Variants in ALDH1L2 observed in about 807,000 individuals in gnomAD.
The protein encoded by ALDH1L2 is mitochondrial 10-formyltetrahydrofolate dehydrogenase.
A neutral mutation model predicts 111.0 loss-of-function variants in ALDH1L2; 91 were observed. That is an observed-to-expected ratio of 0.82 (90% CI 0.69 to 0.98). The LOEUF (loss-of-function observed/expected upper bound fraction) is 0.98, where lower values mean the gene tolerates loss of function less well. Ranked by LOEUF, ALDH1L2 falls within the 50% of genes least tolerant of loss-of-function variation. The pLI is 0.00. For missense variants in ALDH1L2, 995 were observed against 1,126.8 expected (o/e 0.88, Z 1.67); for synonymous variants, 374 against 392.6 (o/e 0.95, Z 0.56).
intron 19 of ALDH1L2, among the ~76,000 whole-genome samples, chr12:105,033,097 T>G (rs576692227): frequency 2.6e-5 from 4 of 152,320 alleles, no homozygotes; most frequent in African/African-American, 9.6e-5. Flanking sequence ...AATTTAGGCC[T>G]GGCCGTAATC....
intron 9 of ALDH1L2, among the ~76,000 whole-genome samples, chr12:105,058,789 G>A (rs1876792407): frequency 6.6e-6 from 1 of 152,128 alleles, no homozygotes; most frequent in Non-Finnish European, 1.5e-5. Flanking sequence ...TTCTTGAATA[G>A]CAGTGGTGTA....
At chr12:105,055,946 A>G (rs190969011) in intron 10 of ALDH1L2, among the ~76,000 whole-genome samples, 2 of 152,162 alleles carry the variant, frequency 1.3e-5, no homozygotes, top group Non-Finnish European at 2.9e-5. Context: ...CATAAAAGGA[A>G]TCCCAGAAGG....
chr12:105,046,149 T>TTCTCTCTCTCTCTC (rs541003101), intron 15 of ALDH1L2, among the ~76,000 whole-genome samples: 14 of 35,988 alleles, frequency 3.9e-4, no homozygotes, highest in African/African-American at 1.5e-3. Flanking sequence ...CTTCTACATC[T>TTCTCTCTCTCTCTC]TCTCTCTCTC....
chr12:105,046,926 A>G lies in ALDH1L2; in HGVS notation c.1730T>C (p.Leu577Pro), dbSNP rs527330253. ...GAGTGGCTCTTTCTTGGTGAAGGTC[A>G]GATTGCGATTTGGACGGGCCTGGTT... ...PINQARPNRN[L>P]TFTKKEPLGV... Residue 577 changes from leucine to proline, a missense_variant, in exon 14 of 23, where the codon CTG (leucine) becomes CCG (proline). Leu to Pro is a moderately conservative substitution (Grantham distance 98). Transcript: ENST00000258494. The G allele has an allele frequency of 1.9e-6, 3 of 1,614,196 alleles. No individual in the cohort carries two copies. In the East Asian group the frequency reaches 6.7e-5, roughly 36 times the overall value.
At position 105,071,544 on chromosome 12, in the gene ALDH1L2, A is replaced by AT. The variant is rs957817497; in HGVS notation, c.194-741dup. Among the ~76,000 whole-genome samples, 3 of 133,206 alleles carry AT rather than the reference A, an allele frequency of 2.3e-5. No homozygotes were observed. In the Admixed American group the frequency reaches 2.4e-4, roughly 11 times the overall value. The allele number at this position is 133,206 out of a possible 152,430, so 87.4% of individuals were successfully genotyped here. A position where few individuals can be genotyped will look rare whatever the true frequency, so the allele number is the denominator to read the frequency against. On this transcript the variant is annotated intron_variant, in intron 2 of 22. Coordinates refer to ENST00000258494, the MANE Select transcript of ALDH1L2 (RefSeq NM_001034173.4). ...CCTATTTTTTTCATAATGAAATGTC[A>AT]TTTTTACTGTGTGCCTTATATCTTA...
chr12:105,026,877 T>C, intron 21 of ALDH1L2, 133 bp from the exon 22 acceptor site: 2 of 1,172,500 alleles, frequency 1.7e-6, no homozygotes, highest in East Asian at 2.4e-5. Flanking sequence ...TTTGTTGTTG[T>C]TGTTTTTTAG....
chr12:105,073,813 G>A (rs751498612), intron 2 of ALDH1L2, 48 bp downstream of exon 2: 8 of 1,610,638 alleles, frequency 5.0e-6, no homozygotes, highest in African/African-American at 1.3e-5. Context: ...GTCCAGCATT[G>A]GTAAGGACCT....
intron 9 of ALDH1L2, among the ~76,000 whole-genome samples, chr12:105,059,678 C>A (rs575976474): frequency 3.9e-5 from 6 of 152,122 alleles, no homozygotes; most frequent in African/African-American, 1.4e-4. Flanking sequence ...ATAAAGGGGA[C>A]GTTGTCTAGT....
At chr12:105,044,791 C>T (rs1251256519) in intron 15 of ALDH1L2, among the ~76,000 whole-genome samples, 2 of 151,634 alleles carry the variant, frequency 1.3e-5, no homozygotes, top group East Asian at 2.0e-4. Flanking sequence ...ATGGTTTATA[C>T]AGCAAAAGGA....
At chr12:105,084,269 T>C (rs1878481684) in intron 1 of ALDH1L2, 120 bp downstream of exon 1, 1 of 1,141,806 alleles carries the variant, frequency 8.8e-7, no homozygotes, top group Non-Finnish European at 1.2e-6. Flanking sequence ...GCTGTCTTGG[T>C]GTTTAGCAAA....
At chr12:105,031,216 A>C (rs183377736) in intron 20 of ALDH1L2, among the ~76,000 whole-genome samples, 5 of 152,332 alleles carry the variant, frequency 3.3e-5, no homozygotes, top group Non-Finnish European at 5.9e-5. Flanking sequence ...TATGAGATTC[A>C]TAATATGCAA....
At position 105,034,338 on chromosome 12, in the gene ALDH1L2, C is replaced by T. The variant is rs752382474; in HGVS notation, c.2206G>A (p.Val736Met). ...ENCIAAGRLFVEESIHDEFVT... is the reference protein window; with the variant it reads ...ENCIAAGRLFMEESIHDEFVT... ...AATTCGTCGTGGATGGATTCTTCCA[C>T]GAACAACCGCCCAGCAGCAATACAG... The change falls in exon 19 of 23, where the codon GTG becomes ATG. Residue 736 changes from valine to methionine, a missense_variant. Transcript: ENST00000258494. 55 of 1,613,776 alleles carry T rather than the reference C, an allele frequency of 3.4e-5. No homozygotes were observed. In the Admixed American group the frequency reaches 5.3e-4, roughly 16 times the overall value.
At position 105,023,916 on chromosome 12, in the gene ALDH1L2, A is replaced by G. The variant is rs1874285247; in HGVS notation, c.*508T>C. On this transcript the variant is annotated 3_prime_UTR_variant, in exon 23 of 23. Transcript: ENST00000258494. ...ATCACAGTGGGTTAAAAAATGGAAT[A>G]TCAAAGGCACAAAGATGTATCTTAT... is the stretch of plus-strand genomic sequence containing the variant. 1 of 155,306 alleles carries G rather than the reference A, an allele frequency of 6.4e-6. No homozygotes were observed. Among genetic ancestry groups the G allele is most frequent in the African/African-American group, 2.4e-5 (1 of 41,458 alleles). 9.6% of individuals were successfully genotyped at this position (155,306 alleles called of 1,614,324 possible).
At chr12:105,078,321 T>C (rs1878169368) in intron 1 of ALDH1L2, among the ~76,000 whole-genome samples, 1 of 152,140 alleles carries the variant, frequency 6.6e-6, no homozygotes, top group Non-Finnish European at 1.5e-5. Context: ...TAGCTGGGCA[T>C]GGTGGCGCGT....
chr12:105,072,007 G>A (rs1877759861), intron 2 of ALDH1L2, among the ~76,000 whole-genome samples: 1 of 151,412 alleles, frequency 6.6e-6, no homozygotes, highest in Non-Finnish European at 1.5e-5. Flanking sequence ...GATCACTTGA[G>A]CCCAGGTGTT....
At chr12:105,061,496 C>T in intron 8 of ALDH1L2, 131 bp downstream of exon 8, 1 of 1,327,284 alleles carries the variant, frequency 7.5e-7, no homozygotes, top group Non-Finnish European at 1.0e-6. Flanking sequence ...AGGTTGATTT[C>T]CTCTTGCAGC....
chr12:105,028,780 G>A (rs956997729), intron 21 of ALDH1L2, among the ~76,000 whole-genome samples: 1 of 152,166 alleles, frequency 6.6e-6, no homozygotes, highest in Non-Finnish European at 1.5e-5. Context: ...GCAATGACAA[G>A]CATATATTGA....
chr12:105,074,618 C>G (rs1442382230), intron 1 of ALDH1L2, among the ~76,000 whole-genome samples: 1 of 152,102 alleles, frequency 6.6e-6, no homozygotes, highest in African/African-American at 2.4e-5. Context: ...CCACGGGGAT[C>G]TGAACTTAGG....
At position 105,031,882 on chromosome 12, in the gene ALDH1L2, T is replaced by C. The variant is rs201683661; in HGVS notation, c.2297A>G (p.Asp766Gly). 2 of 1,614,214 alleles carry C rather than the reference T, an allele frequency of 1.2e-6. No homozygotes were observed. Among genetic ancestry groups the C allele is most frequent in the African/African-American group, 2.7e-5 (2 of 75,050 alleles). Residue 766 changes from aspartate (D) to glycine (G), a missense_variant, in exon 20 of 23, where the codon GAT (aspartate) becomes GGT (glycine). Physicochemically the swap from Asp to Gly is moderately conservative, Grantham distance 94 (BLOSUM62 -1). Transcript: ENST00000258494. ...KIGDPLDRSTDHGPQNHKAHL... is the reference protein window; with the variant it reads ...KIGDPLDRSTGHGPQNHKAHL... ...AGCCTTATGATTTTGGGGCCCATGA[T>C]CAGTGGATCTGTCAAGTGGATCACC...
Sources: gnomAD v4.1 joint callset for allele counts (sites outside exome capture counted in the v4.1 genomes callset) on GRCh38, gnomAD v4.1.1 for gene constraint, MANE v1.5 for transcripts, NCBI Gene and HGNC (gene_info 2026-07-23, HGNC 2026-07-21) for gene names.